KAT2B: variants seen among roughly 807,000 people sequenced by gnomAD.
The protein encoded by KAT2B is lysine acetyltransferase 2B.
In KAT2B, 36 loss-of-function variants were observed where a neutral mutation model predicts 105.9. The ratio of observed to expected loss-of-function variants is 0.34; its 90% confidence interval spans 0.26 to 0.45. The LOEUF is 0.45. Ranked by LOEUF, KAT2B falls within the 20% of genes least tolerant of loss-of-function variation. KAT2B has a pLI of 1.00. For synonymous variants in KAT2B, 397 were observed against 377.9 expected, an observed-to-expected ratio of 1.05 and a Z score of -0.59; for missense variants, 820 against 1,021.6, an observed-to-expected ratio of 0.80 and a Z score of 2.69.
intron 3 of KAT2B, among the ~76,000 whole-genome samples, chr3:20,097,364 A>T: frequency 6.6e-6 from 1 of 152,154 alleles, no homozygotes; most frequent in Non-Finnish European, 1.5e-5. Flanking sequence ...CTTCATCTTA[A>T]AATAACAGTG....
At chr3:20,109,204 A>G (rs1481980373) in intron 5 of KAT2B, among the ~76,000 whole-genome samples, 2 of 152,110 alleles carry the variant, frequency 1.3e-5, no homozygotes, top group African/African-American at 4.8e-5. Flanking sequence ...ACGAAATTGA[A>G]CTTCTGATTA....
At chr3:20,104,440 C>G (rs750768174) in intron 5 of KAT2B, among the ~76,000 whole-genome samples, 2 of 152,026 alleles carry the variant, frequency 1.3e-5, no homozygotes, top group African/African-American at 4.8e-5. Flanking sequence ...TTAGGAGAAT[C>G]AATATTCGGA....
At chr3:20,124,911 G>A (rs144078126) in intron 9 of KAT2B, among the ~76,000 whole-genome samples, 1,595 of 152,310 alleles carry the variant, frequency 0.01, 12 homozygotes, top group Non-Finnish European at 0.017. Flanking sequence ...CCACTAGGCA[G>A]ATTAAATAAG....
rs1697692735 is a variant in KAT2B at position 20,040,537 on chromosome 3, C to CG, written c.63dup (p.Pro22AlafsTer86). The CG allele has an allele frequency of 2.0e-6, 2 of 1,004,232 alleles. No individual in the cohort carries two copies. Among genetic ancestry groups the CG allele is most frequent in the African/African-American group, 3.5e-5 (2 of 57,516 alleles). 62.2% of individuals were successfully genotyped at this position (1,004,232 alleles called of 1,614,324 possible). On this transcript the variant is annotated frameshift_variant, in exon 1 of 18. Coordinates refer to ENST00000263754, the MANE Select transcript of KAT2B (RefSeq NM_003884.5). LOFTEE classifies it high-confidence loss of function. ...GCGGGGCAGGAGCCGGGGCAGGGGC[C>CG]GGGCCCGGGGCGCTGCCCCCGCAGC...
At chr3:20,077,188 C>T (rs182498117) in intron 2 of KAT2B, among the ~76,000 whole-genome samples, 11 of 152,244 alleles carry the variant, frequency 7.2e-5, no homozygotes, top group Non-Finnish European at 1.3e-4. Context: ...AGTAATAATT[C>T]TAGCCTGTCT....
chr3:20,089,253 A>G (rs978323921), intron 2 of KAT2B, among the ~76,000 whole-genome samples: 17 of 152,008 alleles, frequency 1.1e-4, no homozygotes, highest in Admixed American at 2.6e-4. Context: ...TATTTTTTCT[A>G]TTTCTGTGAA....
At chr3:20,085,254 A>G (rs556220215) in intron 2 of KAT2B, among the ~76,000 whole-genome samples, 226 of 152,314 alleles carry the variant, frequency 1.5e-3, no homozygotes, top group African/African-American at 5.1e-3. Flanking sequence ...TCTGTAAATA[A>G]CTGACATAAA....
chr3:20,107,165 G>T (rs1411734756), intron 5 of KAT2B, among the ~76,000 whole-genome samples: 1 of 147,018 alleles, frequency 6.8e-6, no homozygotes, highest in African/African-American at 2.5e-5. Context: ...CGAGTAGCTG[G>T]GATTACAGGC....
intron 4 of KAT2B, chr3:20,100,993 G>A (rs1378435413): frequency 7.8e-6 from 3 of 382,914 alleles, no homozygotes; most frequent in African/African-American, 6.1e-5. Flanking sequence ...TTGTTTCAGG[G>A]GTTTTGACCT....
intron 1 of KAT2B, among the ~76,000 whole-genome samples, chr3:20,046,610 A>G (rs1197382983): frequency 6.6e-6 from 1 of 152,170 alleles, no homozygotes; most frequent in Non-Finnish European, 1.5e-5. Flanking sequence ...CACTGGTTGT[A>G]GAATATACAG....
At chr3:20,093,089 T>C (rs1399314013) in intron 2 of KAT2B, among the ~76,000 whole-genome samples, 1 of 152,198 alleles carries the variant, frequency 6.6e-6, no homozygotes, top group East Asian at 1.9e-4. Context: ...TTAATCCTCT[T>C]AACTCTCTGA....
chr3:20,111,784 C>G lies in KAT2B; in HGVS notation c.1040C>G (p.Pro347Arg). 6.2e-7 allele frequency: 1 copy of G among 1,611,478 alleles called. No individual in the cohort carries two copies. Among genetic ancestry groups the G allele is most frequent in the Non-Finnish European group, 8.5e-7 (1 of 1,178,706 alleles). Residue 347 changes from proline (P) to arginine (R), a missense_variant, in exon 6 of 18, where the codon CCA becomes CGA. This residue lies in a region of KAT2B where 3 missense variants were observed against 16.4 expected (regional missense o/e 0.18). Transcript: ENST00000263754. ...CGAACTCTAATCCTCACTCATTTCC[C>G]AAAGTAAGGGAGAGTTTTTGCTGGT... is the stretch of plus-strand genomic sequence containing the variant. ...EKRTLILTHF[P>R]KFLSMLEEEV...
At chr3:20,064,062 G>C (rs191439429) in intron 1 of KAT2B, among the ~76,000 whole-genome samples, 3 of 152,108 alleles carry the variant, frequency 2.0e-5, no homozygotes, top group African/African-American at 2.4e-5. Flanking sequence ...TATCTATTCT[G>C]TTCCATTAGT....
chr3:20,140,314 C>T lies in KAT2B; in HGVS notation c.1954C>T (p.Pro652Ser), dbSNP rs1375818925. The T allele has an allele frequency of 6.2e-7, 1 of 1,613,722 alleles. No homozygotes were observed. The highest frequency in any genetic ancestry group is 1.3e-5 in the African/African-American group (1 of 75,030). ...GATLMGCELN[P>S]RIPYTEFSVI... ...CACTTTAATGGGATGTGAGCTAAATCCACGGATCCCGTACACAGAATTTTC... is the reference window on the plus strand; with the variant it reads ...CACTTTAATGGGATGTGAGCTAAATTCACGGATCCCGTACACAGAATTTTC... The change falls in exon 13 of 18, where the codon CCA becomes TCA. Residue 652 changes from proline (P) to serine (S), a missense_variant. Pro to Ser is a moderately conservative substitution (Grantham distance 74). Around this residue, in one of 6 missense-constraint regions of KAT2B, gnomAD observed 227 missense variants for 292.9 expected, o/e 0.77. Transcript: ENST00000263754.
At chr3:20,149,689 A>G (rs938688111) in intron 17 of KAT2B, among the ~76,000 whole-genome samples, 1 of 152,036 alleles carries the variant, frequency 6.6e-6, no homozygotes, top group African/African-American at 2.4e-5. Context: ...GTGAACACAC[A>G]TCTATATGCT....
chr3:20,069,715 G>A (rs1698285417), intron 1 of KAT2B, among the ~76,000 whole-genome samples: 2 of 151,736 alleles, frequency 1.3e-5, no homozygotes, highest in East Asian at 1.9e-4. Context: ...TAGTAGAGAC[G>A]GGGTTTCACC....
chr3:20,080,393 T>G (rs1023736688), intron 2 of KAT2B, among the ~76,000 whole-genome samples: 1 of 152,222 alleles, frequency 6.6e-6, no homozygotes, highest in African/African-American at 2.4e-5. Flanking sequence ...GGAATTCTGC[T>G]TATCCTCCAA....
intron 1 of KAT2B, among the ~76,000 whole-genome samples, chr3:20,062,737 C>T (rs1416983973): frequency 6.6e-6 from 1 of 151,952 alleles, no homozygotes. Context: ...ATTGGGATTA[C>T]AGGCGTGAGT....
At chr3:20,108,936 A>AC (rs934544273) in intron 5 of KAT2B, among the ~76,000 whole-genome samples, 2 of 151,832 alleles carry the variant, frequency 1.3e-5, no homozygotes, top group African/African-American at 4.8e-5. Flanking sequence ...CATCCCTTCT[A>AC]CCCCCAGCCA....
Sources: allele counts gnomAD v4.1 joint callset (sites outside exome capture counted in the v4.1 genomes callset), GRCh38; gene constraint gnomAD v4.1.1; regional missense constraint gnomAD v4.1.1; transcripts MANE v1.5; gene names NCBI Gene and HGNC (gene_info 2026-07-23, HGNC 2026-07-21).